The following ARHGEF4 variants were observed in gnomAD, a reference collection of about 807,000 sequenced individuals.
ARHGEF4 encodes the protein Rho guanine nucleotide exchange factor 4.
A neutral mutation model predicts 162.0 loss-of-function variants in ARHGEF4; 119 were observed. The ratio of observed to expected loss-of-function variants is 0.73; its 90% CI spans 0.63 to 0.86. The LOEUF is 0.86. ARHGEF4 is among the 40% of genes least tolerant of loss of function. ARHGEF4 has a pLI of 0.00. For missense variants in ARHGEF4, 2,488 were observed against 2,456.0 expected (o/e 1.01, Z -0.28); for synonymous variants, 1,014 against 979.9 (o/e 1.03, Z -0.65).
intron 1 of ARHGEF4, among the ~76,000 whole-genome samples, chr2:130,866,674 G>A (rs1199967583): frequency 6.6e-6 from 1 of 152,140 alleles, no homozygotes; most frequent in African/African-American, 2.4e-5. Context: ...TTGATATGAT[G>A]GATTATGTTA....
chr2:130,850,018 CT>C (rs1471213042), intron 1 of ARHGEF4, among the ~76,000 whole-genome samples: 1 of 152,252 alleles, frequency 6.6e-6, no homozygotes, highest in African/African-American at 2.4e-5. Context: ...GACGCTGTAA[CT>C]GCACATGTGG....
intron 4 of ARHGEF4, among the ~76,000 whole-genome samples, chr2:130,950,202 C>T (rs1241421195): frequency 6.6e-6 from 1 of 152,204 alleles, no homozygotes; most frequent in Non-Finnish European, 1.5e-5. Context: ...TGGCAGGGAG[C>T]TCCTCCCCCT....
chr2:131,002,738 A>G lies in ARHGEF4; in HGVS notation c.3986-25207A>G, dbSNP rs868547593. ...AAAAAAAAAAAAAAAAAAAAAAAAA[A>G]AAAGGGTTGTGGGGGCTGGGGGTGA... On this transcript the variant is annotated intron_variant, in intron 4 of 13. Transcript: ENST00000409359. Among the ~76,000 whole-genome samples, 955 of 130,542 alleles carry G rather than the reference A, an allele frequency of 7.3e-3. 13 individuals carry two copies. Among genetic ancestry groups the G allele is most frequent in the African/African-American group, 0.03 (919 of 30,830 alleles). The allele number at this position is 130,542 out of a possible 152,430, so 85.6% of individuals were successfully genotyped here. A position where few individuals can be genotyped will look rare whatever the true frequency, so the allele number is the denominator to read the frequency against.
intron 4 of ARHGEF4, among the ~76,000 whole-genome samples, chr2:131,016,156 C>G (rs1393517359): frequency 6.6e-6 from 1 of 152,170 alleles, no homozygotes; most frequent in Non-Finnish European, 1.5e-5. Context: ...TCTTCACCCC[C>G]CTTGCTACCC....
At position 130,986,787 on chromosome 2, in the gene ARHGEF4, A is replaced by G. The variant is rs554785397; in HGVS notation, c.3985+40152A>G. Among the ~76,000 whole-genome samples the G allele has an allele frequency of 3.3e-5, 5 of 152,348 alleles. No individual in the cohort carries two copies. In the South Asian group the frequency reaches 1.0e-3, roughly 32 times the overall value. On this transcript the variant is annotated intron_variant, in intron 4 of 13. Coordinates refer to ENST00000409359, the MANE Select transcript of ARHGEF4 (RefSeq NM_001367493.1). ...ATTAGTCACTTCATAATTGTCTGCA[A>G]GTCCCTGCTCTCCCAATAGTTCCCT...
chr2:130,917,611 T>C, intron 2 of ARHGEF4, 113 bp downstream of exon 2: 3 of 1,373,206 alleles, frequency 2.2e-6, no homozygotes, highest in South Asian at 1.6e-5. Flanking sequence ...CAGGCCAAAA[T>C]TGCCCCCGTT....
intron 5 of ARHGEF4, chr2:131,035,447 ACAGGGT>A: frequency 2.6e-6 from 1 of 384,140 alleles, no homozygotes; most frequent in Admixed American, 5.9e-5. Flanking sequence ...CACGTGTGTC[ACAGGGT>A]CCTTCTGTCC....
chr2:131,039,289 T>C, intron 6 of ARHGEF4: 1 of 1,279,286 alleles, frequency 7.8e-7, no homozygotes. Flanking sequence ...GGCACCCCTC[T>C]GCGATACCCC....
At chr2:131,039,284 C>T (rs1690568479) in intron 6 of ARHGEF4, 1 of 1,272,458 alleles carries the variant, frequency 7.9e-7, no homozygotes, top group African/African-American at 1.5e-5. Flanking sequence ...CACTAGGCAC[C>T]CCTCTGCGAT....
rs532550339 is a variant in ARHGEF4, at chr2:130,899,488, G to A, written c.40-14498G>A. Among the ~76,000 whole-genome samples the A allele has an allele frequency of 1.8e-4, 28 of 152,290 alleles. No homozygotes were observed. In the South Asian group the frequency reaches 2.9e-3, roughly 16 times the overall value. On this transcript the variant is annotated intron_variant, in intron 1 of 13. Coordinates refer to ENST00000409359, the MANE Select transcript of ARHGEF4 (RefSeq NM_001367493.1). ...GCAGGACTGGGAAGGGGGATGGCCC[G>A]GGCAGGAGGGACAGCATGTGTGTCT...
At chr2:130,899,516 T>G (rs939188552) in intron 1 of ARHGEF4, among the ~76,000 whole-genome samples, 1 of 152,188 alleles carries the variant, frequency 6.6e-6, no homozygotes, top group African/African-American at 2.4e-5. Flanking sequence ...GTGTGTCTGC[T>G]GTGCAGTGGT....
intron 4 of ARHGEF4, among the ~76,000 whole-genome samples, chr2:131,015,447 G>A (rs915182052): frequency 1.3e-5 from 2 of 152,224 alleles, no homozygotes; most frequent in East Asian, 1.9e-4. Context: ...GTGTTACTCC[G>A]TTCGCATGAC....
chr2:131,014,186 G>A (rs551335389), intron 4 of ARHGEF4, among the ~76,000 whole-genome samples: 1 of 152,132 alleles, frequency 6.6e-6, no homozygotes, highest in African/African-American at 2.4e-5. Flanking sequence ...AAAATGTTGA[G>A]TTACAGGCTG....
At chr2:130,875,692 T>C (rs1678784790) in intron 1 of ARHGEF4, among the ~76,000 whole-genome samples, 1 of 152,204 alleles carries the variant, frequency 6.6e-6, no homozygotes, top group Admixed American at 6.5e-5. Flanking sequence ...ACTGCCATGC[T>C]GGGGATCAAA....
chr2:130,948,446 C>G lies in ARHGEF4; in HGVS notation c.3985+1811C>G, dbSNP rs568896401. On this transcript the variant is annotated intron_variant, in intron 4 of 13. Coordinates refer to ENST00000409359, the MANE Select transcript of ARHGEF4 (RefSeq NM_001367493.1). The stretch of plus-strand genomic sequence containing the variant: ...ATTAAGTCATAGAGTTATTTAGAGT[C>G]TTGTGGAAGGGACAGTAACCAGGGA... 1.0e-3 allele frequency among the ~76,000 whole-genome samples: 152 copies of G among 152,314 alleles called. 1 individual carries two copies. The highest frequency in any genetic ancestry group is 3.4e-3 in the African/African-American group (142 of 41,570).
chr2:130,949,310 G>A (rs7579148), intron 4 of ARHGEF4, among the ~76,000 whole-genome samples: 58,257 of 151,972 alleles, frequency 0.38, 13,602 homozygotes, highest in African/African-American at 0.66. Context: ...CTCTTCTTTC[G>A]AGGTTTTCTG....
intron 1 of ARHGEF4, among the ~76,000 whole-genome samples, chr2:130,872,782 G>A (rs767267158): frequency 3.3e-5 from 5 of 152,182 alleles, no homozygotes; most frequent in Non-Finnish European, 7.4e-5. Flanking sequence ...CACAAACTCC[G>A]TATGTGTCAG....
At chr2:131,041,208 A>G (rs1244487746) in intron 8 of ARHGEF4, 22 bp from the exon 9 acceptor site, 4 of 1,601,598 alleles carry the variant, frequency 2.5e-6, no homozygotes, top group Non-Finnish European at 3.4e-6. Flanking sequence ...GAGCTCTGCT[A>G]ACCTCCAGCT....
chr2:130,874,940 T>C (rs1357167228), intron 1 of ARHGEF4, among the ~76,000 whole-genome samples: 3 of 152,226 alleles, frequency 2.0e-5, no homozygotes, highest in Non-Finnish European at 4.4e-5. Flanking sequence ...AAGTTGTGCA[T>C]ATGGCATGTA....
Sources: gnomAD v4.1 joint callset for allele counts (sites outside exome capture counted in the v4.1 genomes callset) on GRCh38, gnomAD v4.1.1 for gene constraint, MANE v1.5 for transcripts, NCBI Gene and HGNC (gene_info 2026-07-23, HGNC 2026-07-21) for gene names.